The following MCCC2 variants were observed in gnomAD, a reference collection of about 807,000 sequenced individuals.
The protein encoded by MCCC2 is methylcrotonoyl-CoA carboxylase beta chain, mitochondrial.
In MCCC2, 52 loss-of-function variants were observed where a neutral mutation model predicts 77.2. The observed-to-expected ratio is 0.67, with a 90% CI of 0.54 to 0.85. The LOEUF (loss-of-function observed/expected upper bound fraction) is 0.85. Among genes scored for constraint, MCCC2 ranks in the 40% least tolerant of loss-of-function variants. The pLI is 0.00. For missense variants in MCCC2, 682 were observed against 703.2 expected (o/e 0.97, Z 0.34); for synonymous variants, 253 against 248.4 (o/e 1.02, Z -0.18).
chr5:71,592,201 C>G (rs998032236), intron 1 of MCCC2, among the ~76,000 whole-genome samples: 3 of 152,048 alleles, frequency 2.0e-5, no homozygotes, highest in African/African-American at 7.2e-5. Context: ...GCCAACATGG[C>G]GAAACCCGGT....
chr5:71,600,804 C>T (rs1383491153), intron 4 of MCCC2, among the ~76,000 whole-genome samples: 1 of 152,216 alleles, frequency 6.6e-6, no homozygotes, highest in Non-Finnish European at 1.5e-5. Flanking sequence ...CTGTTTTCTA[C>T]TCCTGGCCCT....
intron 16 of MCCC2, among the ~76,000 whole-genome samples, chr5:71,653,570 C>G (rs969105977): frequency 1.3e-5 from 2 of 150,926 alleles, no homozygotes; most frequent in Admixed American, 1.3e-4. Context: ...GAAAATCAGG[C>G]CAGGCACAGT....
chr5:71,642,558 G>A (rs552750061), intron 11 of MCCC2, among the ~76,000 whole-genome samples: 2 of 152,348 alleles, frequency 1.3e-5, no homozygotes, highest in African/African-American at 2.4e-5. Context: ...AGATCCCTAA[G>A]TGGGGCCTAG....
rs7725148 is a variant in MCCC2, at chr5:71,636,986, C to T, written c.999+1740C>T. Among the ~76,000 whole-genome samples, 396 of 152,022 alleles carry T rather than the reference C, an allele frequency of 2.6e-3. 3 individuals are homozygous for T. The highest frequency in any genetic ancestry group is 8.3e-3 in the African/African-American group (344 of 41,480). ...CTCGAACTCCTGACCTTAGGTGATC[C>T]GCCCACCTCAGCCTTCCGAAGTGCT... On this transcript the variant is annotated intron_variant, in intron 10 of 16. Transcript: ENST00000340941.
At chr5:71,632,796 G>A (rs888841347) in intron 8 of MCCC2, among the ~76,000 whole-genome samples, 4 of 152,124 alleles carry the variant, frequency 2.6e-5, no homozygotes, top group Non-Finnish European at 4.4e-5. Context: ...GTTGGCTCTT[G>A]TGAGTTAGCT....
At chr5:71,619,301 T>G (rs1746286128) in intron 6 of MCCC2, among the ~76,000 whole-genome samples, 1 of 152,230 alleles carries the variant, frequency 6.6e-6, no homozygotes, top group African/African-American at 2.4e-5. Flanking sequence ...TTGCCCAGGC[T>G]TGAGTGCAGT....
chr5:71,604,047 C>A (rs975018488), intron 5 of MCCC2, among the ~76,000 whole-genome samples: 1 of 152,220 alleles, frequency 6.6e-6, no homozygotes, highest in African/African-American at 2.4e-5. Context: ...AGGAAAGATA[C>A]TTTTCCACCT....
At chr5:71,614,703 C>T (rs892242608) in intron 6 of MCCC2, among the ~76,000 whole-genome samples, 5 of 151,942 alleles carry the variant, frequency 3.3e-5, no homozygotes, top group Admixed American at 6.6e-5. Flanking sequence ...AGGCTGGTCT[C>T]GAACTCCTGA....
chr5:71,630,207 G>A (rs1746661069), intron 7 of MCCC2, among the ~76,000 whole-genome samples: 1 of 152,158 alleles, frequency 6.6e-6, no homozygotes, highest in African/African-American at 2.4e-5. Context: ...ACGCTTGACC[G>A]AATGTTGAGA....
intron 6 of MCCC2, among the ~76,000 whole-genome samples, chr5:71,621,667 T>A (rs530793365): frequency 8.5e-5 from 13 of 152,348 alleles, no homozygotes; most frequent in African/African-American, 3.1e-4. Context: ...CTCTGTTTTT[T>A]AATTTAATTT....
At chr5:71,652,636 A>T in intron 15 of MCCC2, 33 bp from the exon 16 acceptor site, 2 of 1,569,934 alleles carry the variant, frequency 1.3e-6, no homozygotes, top group South Asian at 2.2e-5. Context: ...TTGTTCACTG[A>T]AGCTGACTTA....
chr5:71,596,228 A>C (rs1361137393), intron 2 of MCCC2, 52 bp from the exon 3 acceptor site: 2 of 1,490,008 alleles, frequency 1.3e-6, no homozygotes, highest in Non-Finnish European at 1.9e-6. Flanking sequence ...TCTGGCATTG[A>C]GACCTTTTTA....
intron 4 of MCCC2, 139 bp from the exon 5 acceptor site, chr5:71,602,367 A>G (rs964419354): frequency 2.0e-6 from 2 of 1,020,762 alleles, no homozygotes; most frequent in Admixed American, 1.9e-5. Flanking sequence ...TTTATATCCT[A>G]AGACTGCTGT....
chr5:71,592,761 C>T (rs918587240), intron 1 of MCCC2, 165 bp from the exon 2 acceptor site: 44 of 659,850 alleles, frequency 6.7e-5, no homozygotes, highest in African/African-American at 2.6e-4. Flanking sequence ...CTTTTCCATA[C>T]GATCCAGTGG....
intron 7 of MCCC2, among the ~76,000 whole-genome samples, chr5:71,627,220 A>G (rs572049208): frequency 5.3e-5 from 8 of 152,146 alleles, no homozygotes; most frequent in Non-Finnish European, 1.0e-4. Flanking sequence ...TATACACTGT[A>G]TTTTGTTTAT....
chr5:71,610,153 G>A (rs955011897), intron 6 of MCCC2, among the ~76,000 whole-genome samples: 5 of 152,204 alleles, frequency 3.3e-5, no homozygotes, highest in Non-Finnish European at 5.9e-5. Flanking sequence ...AATGGCGAGC[G>A]CCCCTCCCCC....
Position 71,641,625 on chromosome 5 carries a change from A to G in MCCC2, c.1072+550A>G, listed in dbSNP as rs142227410. Among the ~76,000 whole-genome samples the G allele has an allele frequency of 5.3e-3, 807 of 152,338 alleles. 11 individuals are homozygous for G. Among genetic ancestry groups the G allele is most frequent in the African/African-American group, 0.018 (757 of 41,584 alleles). On this transcript the variant is annotated intron_variant, in intron 11 of 16. Coordinates refer to ENST00000340941, the MANE Select transcript of MCCC2 (RefSeq NM_022132.5). ...GGATGTTTATAAAAGTTAATTTTTT[A>G]AATCTAAACTGTTTAGTTTATAGGC...
In MCCC2 at chr5:71,644,977, A is replaced by T. The variant is rs764477187; in HGVS notation, c.1149+1082A>T. Among the ~76,000 whole-genome samples, 78 of 152,204 alleles carry T rather than the reference A, an allele frequency of 5.1e-4. 1 individual carries two copies. The highest frequency in any genetic ancestry group is 3.9e-3 in the Admixed American group (59 of 15,302). On this transcript the variant is annotated intron_variant, in intron 12 of 16. Transcript: ENST00000340941. ...TTTTTCTTAATAGTTTCCTTTTTTT[A>T]AAAAATTGATATGCTATATATAGAG... is the stretch of plus-strand genomic sequence containing the variant.
chr5:71,602,847 A>G, intron 5 of MCCC2: 1 of 625,604 alleles, frequency 1.6e-6, no homozygotes, highest in Non-Finnish European at 2.6e-6. Context: ...ATACATTTTG[A>G]CGCATGCCAG....
Sources: gnomAD v4.1 joint callset for allele counts (sites outside exome capture counted in the v4.1 genomes callset) on GRCh38, gnomAD v4.1.1 for gene constraint, MANE v1.5 for transcripts, NCBI Gene and HGNC (gene_info 2026-07-23, HGNC 2026-07-21) for gene names.